LINGO2: variants seen among roughly 807,000 people sequenced by gnomAD.
The protein encoded by LINGO2 is leucine-rich repeat and immunoglobulin-like domain-containing nogo receptor-interacting protein 2.
Under a neutral mutation model 30.6 loss-of-function variants are expected in LINGO2, and 14 were observed. The observed-to-expected ratio is 0.46, with a 90% CI of 0.30 to 0.72. LINGO2 has a LOEUF of 0.72. Ranked by LOEUF, LINGO2 falls within the 30% of genes least tolerant of loss-of-function variation. The pLI is 0.07. For synonymous variants in LINGO2, 317 were observed against 288.5 expected (o/e 1.10, Z -1.00); for missense variants, 729 against 751.7 (o/e 0.97, Z 0.35).
intron 4 of LINGO2, among the ~76,000 whole-genome samples, chr9:28,159,542 A>G (rs1554680367): frequency 2.0e-5 from 3 of 152,172 alleles, no homozygotes; most frequent in Non-Finnish European, 4.4e-5. Context: ...TGATTAAACC[A>G]AGCTAATTAA....
rs1482430600 is a variant in LINGO2 at position 28,147,687 on chromosome 9, C to A, written c.-86-135282G>T. 1.3e-5 allele frequency among the ~76,000 whole-genome samples: 2 copies of A among 152,184 alleles called. No individual in the cohort carries two copies. The highest frequency in any genetic ancestry group is 2.9e-5 in the Non-Finnish European group (2 of 68,030). On this transcript the variant is annotated intron_variant, in intron 4 of 5. Coordinates refer to ENST00000379992, the Ensembl canonical transcript of LINGO2. The surrounding 1 kb of genome is among the most constrained non-coding windows in gnomAD (Gnocchi z 4.7). ...TGGCGGATCAGCCCCGCACCCCCAA[C>A]AGCCCCACGGGGGGGCCCGTCCAGG...
intron 4 of LINGO2, chr9:28,012,461 C>T (rs533571361): frequency 1.3e-5 from 2 of 151,978 alleles, no homozygotes; most frequent in East Asian, 3.9e-4. Context: ...TAGGTTCTAA[C>T]CTTCTCTACT....
chr9:28,325,101 C>A (rs908615593), intron 3 of LINGO2, among the ~76,000 whole-genome samples: 2 of 151,790 alleles, frequency 1.3e-5, no homozygotes, highest in South Asian at 4.2e-4. Context: ...CCCTACCTAT[C>A]CCCCATCTCT....
chr9:29,106,658 T>C, the LINGO2 span, among the ~76,000 whole-genome samples: 105 of 152,284 alleles, frequency 6.9e-4, no homozygotes, highest in Non-Finnish European at 1.2e-3. Context: ...TTATACTTCT[T>C]ATACTCTAAG....
At chr9:27,950,076 T>C (rs1587511249) in exon 6 of LINGO2, 1 of 1,613,954 alleles carries the variant, frequency 6.2e-7, no homozygotes, top group Non-Finnish European at 8.5e-7. Context: ...GCTGCGGAGG[T>C]GGGAGAGGGC....
the LINGO2 span, among the ~76,000 whole-genome samples, chr9:28,751,082 T>C: frequency 1.3e-5 from 2 of 151,682 alleles, no homozygotes; most frequent in Non-Finnish European, 1.5e-5. Flanking sequence ...CTGGGCAATA[T>C]AGTGAGATCC....
At chr9:28,262,302 T>C (rs1822592770) in intron 4 of LINGO2, among the ~76,000 whole-genome samples, 2 of 151,900 alleles carry the variant, frequency 1.3e-5, no homozygotes, top group Admixed American at 1.3e-4. Context: ...TGTAGTTCTA[T>C]TGGTTCCAAA....
intron 1 of LINGO2, among the ~76,000 whole-genome samples, chr9:28,565,476 T>C (rs1587874190): frequency 1.3e-5 from 2 of 151,446 alleles, no homozygotes; most frequent in Admixed American, 6.6e-5. Flanking sequence ...TGAGGCATCA[T>C]GCCTGATAAG....
chr9:28,482,390 T>C (rs1051028212), intron 1 of LINGO2, among the ~76,000 whole-genome samples: 31 of 152,220 alleles, frequency 2.0e-4, no homozygotes, highest in Non-Finnish European at 4.1e-4. Context: ...ATGAGCATTT[T>C]TTCATGTGTT....
chr9:29,162,937 CT>C, the LINGO2 span, among the ~76,000 whole-genome samples: 2 of 152,202 alleles, frequency 1.3e-5, no homozygotes, highest in East Asian at 3.9e-4. Flanking sequence ...AAGAAAATGT[CT>C]GGTTTCACTG....
the LINGO2 span, among the ~76,000 whole-genome samples, chr9:29,183,628 C>T: frequency 6.6e-6 from 1 of 152,068 alleles, no homozygotes; most frequent in African/African-American, 2.4e-5. Context: ...TAGAATAGGG[C>T]CTTAACCAGT....
chr9:28,592,299 G>T (rs754859261), intron 1 of LINGO2, among the ~76,000 whole-genome samples: 9 of 152,082 alleles, frequency 5.9e-5, no homozygotes, highest in Non-Finnish European at 4.4e-5. Context: ...TTTTAAAAAA[G>T]CCTGCGGATG....
the LINGO2 span, among the ~76,000 whole-genome samples, chr9:28,990,765 G>A: frequency 4.0e-5 from 6 of 151,140 alleles, no homozygotes; most frequent in African/African-American, 1.5e-4. Context: ...GTGGACCTTA[G>A]CAAACTCCAA....
chr9:28,177,611 G>A (rs12238130), intron 4 of LINGO2, among the ~76,000 whole-genome samples: 13,527 of 152,118 alleles, frequency 0.089, 752 homozygotes, highest in East Asian at 0.19. Flanking sequence ...CATAGTGCTT[G>A]ACACATTAAA....
At chr9:28,861,253 A>G in the LINGO2 span, among the ~76,000 whole-genome samples, 1 of 121,422 alleles carries the variant, frequency 8.2e-6, no homozygotes, top group Non-Finnish European at 1.6e-5. Flanking sequence ...TTTTTATACA[A>G]TATTATATAA....
chr9:28,644,558 T>G (rs1827746369), intron 1 of LINGO2, among the ~76,000 whole-genome samples: 1 of 146,412 alleles, frequency 6.8e-6, no homozygotes. Flanking sequence ...AGTGAGGAGG[T>G]GGGAATGGTT....
At chr9:29,187,805 T>TG in the LINGO2 span, among the ~76,000 whole-genome samples, 1 of 142,506 alleles carries the variant, frequency 7.0e-6, no homozygotes, top group Non-Finnish European at 1.6e-5. Flanking sequence ...TTTTTTTGCT[T>TG]ATTATGTCAG....
At chr9:28,157,643 T>G (rs1181891209) in intron 4 of LINGO2, among the ~76,000 whole-genome samples, 2 of 152,216 alleles carry the variant, frequency 1.3e-5, no homozygotes, top group Non-Finnish European at 2.9e-5. Flanking sequence ...TTTTCTGAAC[T>G]TTTATGTTCT....
At chr9:28,499,831 C>T (rs1378373560) in intron 1 of LINGO2, among the ~76,000 whole-genome samples, 1 of 152,118 alleles carries the variant, frequency 6.6e-6, no homozygotes, top group Admixed American at 6.6e-5. Context: ...CACAGGAAGC[C>T]TTTCTAGACT....
Sources: allele counts gnomAD v4.1 joint callset (sites outside exome capture counted in the v4.1 genomes callset), GRCh38; gene constraint gnomAD v4.1.1; non-coding constraint Gnocchi (gnomAD v3.1); transcripts MANE v1.5; gene names NCBI Gene and HGNC (gene_info 2026-07-23, HGNC 2026-07-21).